The following MTUS2 variants were observed in gnomAD, a reference collection of about 807,000 sequenced individuals.
The protein encoded by MTUS2 is microtubule-associated tumor suppressor candidate 2.
In MTUS2, 40 loss-of-function variants were observed where a neutral mutation model predicts 114.1. That is an observed-to-expected ratio of 0.35 (90% CI 0.27 to 0.46). MTUS2 has a LOEUF of 0.46. Among genes scored for constraint, MTUS2 ranks in the 20% least tolerant of loss-of-function variants. The pLI is 1.00. For missense variants in MTUS2, 1,679 were observed against 1,705.4 expected, an observed-to-expected ratio of 0.98 and a Z score of 0.27; for synonymous variants, 688 against 672.0, an observed-to-expected ratio of 1.02 and a Z score of -0.37.
intron 5 of MTUS2, among the ~76,000 whole-genome samples, chr13:29,183,047 T>C (rs574435473): frequency 6.6e-6 from 1 of 152,196 alleles, no homozygotes; most frequent in Non-Finnish European, 1.5e-5. Context: ...GTGGAAAGTT[T>C]TGAGCAGAGT....
At chr13:29,060,569 A>G (rs896434431) in intron 4 of MTUS2, among the ~76,000 whole-genome samples, 6 of 60,632 alleles carry the variant, frequency 9.9e-5, no homozygotes, top group African/African-American at 4.0e-4. Flanking sequence ...TTTTTTTACT[A>G]TTTACTTGGT....
chr13:29,100,702 A>G (rs1890374384), intron 4 of MTUS2, 71 bp from the exon 5 acceptor site: 1 of 1,490,500 alleles, frequency 6.7e-7, no homozygotes, highest in East Asian at 2.5e-5. Flanking sequence ...GTTCGAATTC[A>G]TAATCTGTAG....
chr13:28,892,491 A>G (rs1309765562), intron 2 of MTUS2, among the ~76,000 whole-genome samples: 1 of 152,178 alleles, frequency 6.6e-6, no homozygotes, highest in Non-Finnish European at 1.5e-5. Context: ...CACACCTAAC[A>G]TTTTATAGCA....
chr13:28,989,611 A>T (rs946068488), intron 2 of MTUS2, among the ~76,000 whole-genome samples: 2 of 152,192 alleles, frequency 1.3e-5, no homozygotes, highest in Non-Finnish European at 2.9e-5. Context: ...CTGCTCCAGC[A>T]GTCCTCTCTA....
chr13:29,307,454 G>A (rs1330222763), intron 6 of MTUS2: 2 of 1,317,184 alleles, frequency 1.5e-6, no homozygotes, highest in Non-Finnish European at 2.2e-6. Flanking sequence ...GAGCTGAATG[G>A]GAAGCTCACT....
At chr13:28,855,089 A>G (rs1187577369) in intron 2 of MTUS2, among the ~76,000 whole-genome samples, 1 of 152,180 alleles carries the variant, frequency 6.6e-6, no homozygotes, top group Non-Finnish European at 1.5e-5. Context: ...CTCTGTGCCA[A>G]ATAAAGTAGA....
intron 5 of MTUS2, among the ~76,000 whole-genome samples, chr13:29,243,045 T>C (rs1257528040): frequency 6.6e-6 from 1 of 152,118 alleles, no homozygotes; most frequent in Non-Finnish European, 1.5e-5. Context: ...CAAAGAGAGT[T>C]TGAGACAGAT....
chr13:29,187,779 C>T (rs1208506539), intron 5 of MTUS2, among the ~76,000 whole-genome samples: 1 of 152,146 alleles, frequency 6.6e-6, no homozygotes, highest in Non-Finnish European at 1.5e-5. Flanking sequence ...TCCTCATTGC[C>T]TCAGAACACA....
In MTUS2 at chr13:29,017,468, G is replaced by A. The variant is rs7998076; in HGVS notation, c.-242-6989G>A. ...GGCAGCTAAGGAGAGCTGTACAACC[G>A]TACTTCTCAATCTTTCGAAACCCAT... On this transcript the variant is annotated intron_variant, in intron 2 of 15. Transcript: ENST00000612955. Among the ~76,000 whole-genome samples, 1,224 of 152,218 alleles carry A rather than the reference G, an allele frequency of 8.0e-3. 20 individuals carry two copies. Among genetic ancestry groups the A allele is most frequent in the African/African-American group, 0.027 (1,142 of 41,532 alleles).
chr13:28,968,875 A>C (rs898432710), intron 2 of MTUS2, among the ~76,000 whole-genome samples: 5 of 152,212 alleles, frequency 3.3e-5, no homozygotes, highest in African/African-American at 1.2e-4. Context: ...AAGTATACTA[A>C]AAATGTAAAT....
intron 4 of MTUS2, among the ~76,000 whole-genome samples, chr13:29,070,756 A>G (rs1888882438): frequency 6.6e-6 from 1 of 151,450 alleles, no homozygotes; most frequent in Non-Finnish European, 1.5e-5. Context: ...GTTAGTTTCT[A>G]CCTCTCTGTT....
intron 8 of MTUS2, among the ~76,000 whole-genome samples, chr13:29,433,414 G>A (rs1356754648): frequency 6.6e-6 from 1 of 152,192 alleles, no homozygotes; most frequent in Non-Finnish European, 1.5e-5. Flanking sequence ...CAGCAGAAAA[G>A]CAGATCATTA....
intron 9 of MTUS2, among the ~76,000 whole-genome samples, chr13:29,463,757 G>A (rs185219786): frequency 7.9e-5 from 12 of 152,310 alleles, no homozygotes; most frequent in African/African-American, 1.9e-4. Flanking sequence ...CCAGCACTTC[G>A]GGGGGCCGAG....
chr13:28,967,150 G>C (rs866722060), intron 2 of MTUS2, among the ~76,000 whole-genome samples: 1 of 152,190 alleles, frequency 6.6e-6, no homozygotes, highest in Non-Finnish European at 1.5e-5. Context: ...ATTCCAGCAG[G>C]GGGAGGAGTC....
chr13:29,304,361 C>A (rs1346406046), intron 6 of MTUS2, among the ~76,000 whole-genome samples: 7 of 151,690 alleles, frequency 4.6e-5, no homozygotes, highest in Non-Finnish European at 5.9e-5. Context: ...GATAAAGAGC[C>A]AAAACCCATC....
At chr13:29,071,903 G>A (rs567526735) in intron 4 of MTUS2, 9 of 152,242 alleles carry the variant, frequency 5.9e-5, no homozygotes, top group East Asian at 5.8e-4. Flanking sequence ...AAATGTATGC[G>A]TACTGGGTGC....
chr13:28,942,530 G>C (rs1315737048), intron 2 of MTUS2, among the ~76,000 whole-genome samples: 1 of 152,190 alleles, frequency 6.6e-6, no homozygotes, highest in Non-Finnish European at 1.5e-5. Context: ...CATGGGACCA[G>C]TATTCCTAAC....
At chr13:29,337,146 G>T (rs1214669417) in intron 7 of MTUS2, among the ~76,000 whole-genome samples, 5 of 151,854 alleles carry the variant, frequency 3.3e-5, no homozygotes, top group African/African-American at 4.8e-5. Context: ...TTCCAGGGGG[G>T]TGAACAGTTC....
chr13:29,025,399 G>A lies in MTUS2; in HGVS notation c.701G>A (p.Ser234Asn). Residue 234 changes from serine (S) to asparagine (N), a missense_variant, in exon 3 of 16, where the codon AGT (serine) becomes AAT (asparagine). Ser to Asn is a conservative substitution (Grantham distance 46). Around this residue, in one of 3 missense-constraint regions of MTUS2, gnomAD observed 843 missense variants for 770.8 expected, o/e 1.09. Transcript: ENST00000612955. ...AVPAAFPATD[S>N]TSEGKSVRHP... ...CCGGCAGCTTTCCCTGCAACTGACAGTACCTCAGAGGGAAAGAGTGTGCGT... is the reference window on the plus strand; with the variant it reads ...CCGGCAGCTTTCCCTGCAACTGACAATACCTCAGAGGGAAAGAGTGTGCGT... 2 of 1,613,850 alleles carry A rather than the reference G, an allele frequency of 1.2e-6. No homozygotes were observed. The highest frequency in any genetic ancestry group is 8.5e-7 in the Non-Finnish European group (1 of 1,179,860).
Sources: gnomAD v4.1 joint callset for allele counts (sites outside exome capture counted in the v4.1 genomes callset) on GRCh38, gnomAD v4.1.1 for gene constraint, gnomAD v4.1.1 regional missense constraint, MANE v1.5 for transcripts, NCBI Gene and HGNC (gene_info 2026-07-23, HGNC 2026-07-21) for gene names.